The following FERMT2 variants were observed in gnomAD, a reference collection of about 807,000 sequenced individuals.
The protein encoded by FERMT2 is FERM domain containing kindlin 2, also known as fermitin family homolog 2.
In FERMT2, 15 loss-of-function variants were observed where a neutral mutation model predicts 82.7. The observed-to-expected ratio is 0.18, with a 90% CI of 0.12 to 0.28. The LOEUF (loss-of-function observed/expected upper bound fraction) is 0.28, where lower values mean the gene tolerates loss of function less well. FERMT2 is among the 10% of genes least tolerant of loss of function. The pLI is 1.00. For synonymous variants in FERMT2, 274 were observed against 271.5 expected (o/e 1.01, Z -0.09); for missense variants, 645 against 809.4 (o/e 0.80, Z 2.46).
In FERMT2 at chr14:52,920,910, C is replaced by T. The variant is rs142775497; in HGVS notation, c.158-1554G>A. On this transcript the variant is annotated intron_variant, in intron 2 of 14. Transcript: ENST00000341590. ...TTGCAGTGAGCTGTGATTGCACCAC[C>T]GTACTCCAGCCTGGGTGACAGAGCG... 4.4e-4 allele frequency among the ~76,000 whole-genome samples: 67 copies of T among 151,560 alleles called. No individual in the cohort carries two copies. In the Middle Eastern group the frequency reaches 0.01, roughly 23 times the overall value.
chr14:52,882,855 A>G (rs1391724553), intron 4 of FERMT2, among the ~76,000 whole-genome samples: 1 of 152,072 alleles, frequency 6.6e-6, no homozygotes, highest in Non-Finnish European at 1.5e-5. Context: ...AGGATATTTG[A>G]TTTTATGTCC....
At chr14:52,871,269 T>C (rs957056764) in intron 10 of FERMT2, among the ~76,000 whole-genome samples, 2 of 152,238 alleles carry the variant, frequency 1.3e-5, no homozygotes, top group Non-Finnish European at 2.9e-5. Context: ...TTTAGTTTTT[T>C]AGTCTTTGCT....
chr14:52,893,872 A>C (rs1887103234), intron 3 of FERMT2, among the ~76,000 whole-genome samples: 1 of 150,170 alleles, frequency 6.7e-6, no homozygotes, highest in Non-Finnish European at 1.5e-5. Flanking sequence ...CTTGTTACCC[A>C]GGCTGGAGTG....
chr14:52,863,283 C>A (rs1351892186), intron 12 of FERMT2: 1 of 151,920 alleles, frequency 6.6e-6, no homozygotes, highest in Non-Finnish European at 1.5e-5. Flanking sequence ...TAATTTTAGA[C>A]CCATATAATA....
chr14:52,927,592 T>TAAA (rs71125150), intron 2 of FERMT2, among the ~76,000 whole-genome samples: 1,162 of 33,682 alleles, frequency 0.034, 201 homozygotes, highest in East Asian at 0.055. Context: ...CTCATCCCTA[T>TAAA]AAAAAAAAAA....
At position 52,901,156 on chromosome 14, in the gene FERMT2, C is replaced by T. The variant is rs550970780; in HGVS notation, c.392-7729G>A. 3.1e-3 allele frequency among the ~76,000 whole-genome samples: 465 copies of T among 148,402 alleles called. 5 individuals carry two copies. The highest frequency in any genetic ancestry group is 0.011 in the African/African-American group (433 of 40,508). ...ATTAGCTGGGCGTTGTGGCGGGCGC[C>T]TGTAGTCCCAGCTACTCCGGAGGCT... On this transcript the variant is annotated intron_variant, in intron 3 of 14. Coordinates refer to ENST00000341590, the MANE Select transcript of FERMT2 (RefSeq NM_006832.3).
chr14:52,882,221 G>GT (rs528790550), intron 4 of FERMT2, among the ~76,000 whole-genome samples: 6 of 152,028 alleles, frequency 3.9e-5, no homozygotes, highest in Middle Eastern at 3.4e-3. Flanking sequence ...TACAAATAAA[G>GT]TTTTTTTTAA....
At chr14:52,896,163 C>T (rs1887241525) in intron 3 of FERMT2, among the ~76,000 whole-genome samples, 1 of 152,206 alleles carries the variant, frequency 6.6e-6, no homozygotes, top group Admixed American at 6.5e-5. Context: ...GGAACTATCA[C>T]TGGATATGTG....
At chr14:52,885,289 G>A (rs998962966) in intron 4 of FERMT2, among the ~76,000 whole-genome samples, 3 of 114,982 alleles carry the variant, frequency 2.6e-5, no homozygotes, top group Non-Finnish European at 5.0e-5. Context: ...CTCCAGCCTG[G>A]GTAACAGGGC....
chr14:52,928,974 C>T (rs916066089), intron 2 of FERMT2, among the ~76,000 whole-genome samples: 18 of 152,120 alleles, frequency 1.2e-4, no homozygotes, highest in African/African-American at 4.1e-4. Context: ...GTGTCTCATC[C>T]ATTCTCATAG....
Position 52,911,317 on chromosome 14 carries a change from A to T in FERMT2, c.391+7806T>A, listed in dbSNP as rs542630262. ...TTTAACTTTTCTTAACCATTAAAAA[A>T]ATATAAGAGCCTAATTATAATTAGT... On this transcript the variant is annotated intron_variant, in intron 3 of 14. Transcript: ENST00000341590. 4.6e-5 allele frequency among the ~76,000 whole-genome samples: 7 copies of T among 152,308 alleles called. No homozygotes were observed. The South Asian group carries it at 1.2e-3, about 27-fold the overall frequency.
At chr14:52,895,491 C>T (rs910434829) in intron 3 of FERMT2, among the ~76,000 whole-genome samples, 1 of 152,164 alleles carries the variant, frequency 6.6e-6, no homozygotes, top group Non-Finnish European at 1.5e-5. Context: ...TGGAACACAA[C>T]TCACCAATCA....
In FERMT2 at chr14:52,886,629, A is replaced by G. The variant is rs1470922647; in HGVS notation, c.527-5160T>C. Reference sequence around the variant, plus strand: ...TTCTCTGCTTTGACACAAATCACTAAAACACTGATCACCAAAAATCAAATT... The same window carrying G: ...TTCTCTGCTTTGACACAAATCACTAGAACACTGATCACCAAAAATCAAATT... On this transcript the variant is annotated intron_variant, in intron 4 of 14. Coordinates refer to ENST00000341590, the MANE Select transcript of FERMT2 (RefSeq NM_006832.3). 3.3e-5 allele frequency among the ~76,000 whole-genome samples: 5 copies of G among 152,348 alleles called. No homozygotes were observed. The East Asian group carries it at 9.6e-4, about 29-fold the overall frequency.
At chr14:52,906,242 T>C (rs1345012289) in intron 3 of FERMT2, among the ~76,000 whole-genome samples, 2 of 151,980 alleles carry the variant, frequency 1.3e-5, no homozygotes, top group Non-Finnish European at 2.9e-5. Context: ...TGCAGAGGTG[T>C]TTCCTGGAGT....
At chr14:52,915,125 A>G (rs1291888216) in intron 3 of FERMT2, among the ~76,000 whole-genome samples, 1 of 152,194 alleles carries the variant, frequency 6.6e-6, no homozygotes, top group African/African-American at 2.4e-5. Flanking sequence ...AAAAAGCACA[A>G]TATCTTTCTA....
intron 2 of FERMT2, among the ~76,000 whole-genome samples, chr14:52,920,235 CA>C (rs1201751900): frequency 6.6e-6 from 1 of 152,194 alleles, no homozygotes; most frequent in East Asian, 1.9e-4. Flanking sequence ...TTTAAAGCTG[CA>C]ATCAAAGTAA....
At chr14:52,911,696 A>C (rs1186562239) in intron 3 of FERMT2, among the ~76,000 whole-genome samples, 1 of 152,016 alleles carries the variant, frequency 6.6e-6, no homozygotes, top group Non-Finnish European at 1.5e-5. Flanking sequence ...GAGTTTGCCA[A>C]CACAGTTTAA....
At chr14:52,948,677 CTATT>C (rs1350339539) in intron 2 of FERMT2, 7 of 428,772 alleles carry the variant, frequency 1.6e-5, no homozygotes, top group South Asian at 5.1e-5. Context: ...CTCTATATTT[CTATT>C]TATTACTGTG....
At chr14:52,945,208 G>C (rs915026195) in intron 2 of FERMT2, among the ~76,000 whole-genome samples, 2 of 151,938 alleles carry the variant, frequency 1.3e-5, no homozygotes, top group Non-Finnish European at 2.9e-5. Context: ...ACCGCACCCA[G>C]CCAATCCTCA....
Sources: gnomAD v4.1 joint callset for allele counts (sites outside exome capture counted in the v4.1 genomes callset) on GRCh38, gnomAD v4.1.1 for gene constraint, MANE v1.5 for transcripts, NCBI Gene and HGNC (gene_info 2026-07-23, HGNC 2026-07-21) for gene names.